MCM5: variants seen among roughly 807,000 people sequenced by gnomAD.
The protein encoded by MCM5 is DNA replication licensing factor MCM5.
In MCM5, 46 loss-of-function variants were observed where a neutral mutation model predicts 79.9. The observed-to-expected ratio is 0.58, with a 90% confidence interval of 0.45 to 0.74. The LOEUF (loss-of-function observed/expected upper bound fraction) is 0.74, where lower values mean the gene tolerates loss of function less well. Among genes scored for constraint, MCM5 ranks in the 30% least tolerant of loss-of-function variants. MCM5 has a pLI of 0.00. For synonymous variants in MCM5, 404 were observed against 390.5 expected, an observed-to-expected ratio of 1.03 and a Z score of -0.41; for missense variants, 883 against 1,017.0, an observed-to-expected ratio of 0.87 and a Z score of 1.79.
At chr22:35,454,192 TCAC>T in the MCM5 span, among the ~76,000 whole-genome samples, 13 of 152,184 alleles carry the variant, frequency 8.5e-5, no homozygotes, top group Admixed American at 8.5e-4. Flanking sequence ...GCCTTCCCCT[TCAC>T]CACCTTCCTG....
chr22:35,432,211 T>C, the MCM5 span, among the ~76,000 whole-genome samples: 2 of 152,204 alleles, frequency 1.3e-5, no homozygotes, highest in African/African-American at 4.8e-5. Flanking sequence ...TGTTTCTTCC[T>C]GCTTGGGGGA....
chr22:35,413,971 G>A lies in MCM5; in HGVS notation c.1188G>A (p.Lys396=), dbSNP rs144151686. The part of the protein sequence containing the change: ...AKSQLLKFVE[K]CSPIGVYTSG... ...CCCAGCTTCTGAAGTTTGTGGAGAA[G>A]TGTTCTCCCATTGGGGTGAGTGGCC... Residue 396 remains lysine, a synonymous_variant, in exon 9 of 17, where the codon AAG becomes AAA. Coordinates refer to ENST00000216122, the MANE Select transcript of MCM5 (RefSeq NM_006739.4). 8.1e-5 allele frequency: 131 copies of A among 1,613,058 alleles called. No individual in the cohort carries two copies. The highest frequency in any genetic ancestry group is 1.0e-4 in the Non-Finnish European group (122 of 1,179,098).
chr22:35,454,418 G>A, the MCM5 span, among the ~76,000 whole-genome samples: 5 of 152,224 alleles, frequency 3.3e-5, no homozygotes, highest in Admixed American at 1.3e-4. Flanking sequence ...TCTTCTTTGG[G>A]CTGCAGCAGG....
At chr22:35,407,020 C>T (rs547382880) in intron 5 of MCM5, among the ~76,000 whole-genome samples, 1 of 152,322 alleles carries the variant, frequency 6.6e-6, no homozygotes, top group African/African-American at 2.4e-5. Context: ...TTGGAATCTT[C>T]TGAAGCAAAC....
intron 6 of MCM5, 138 bp downstream of exon 6, chr22:35,408,701 CTG>C: frequency 5.9e-6 from 5 of 847,756 alleles, no homozygotes; most frequent in Non-Finnish European, 8.9e-6. Flanking sequence ...AGCACCTGCT[CTG>C]TGCCTAATGC....
rs1838784274 is a variant in MCM5 at position 35,421,502 on chromosome 22, C to T, written c.1975+42C>T. 3 of 1,612,912 alleles carry T rather than the reference C, an allele frequency of 1.9e-6. 1 individual carries two copies. Among genetic ancestry groups the T allele is most frequent in the African/African-American group, 2.7e-5 (2 of 74,914 alleles). ...GCCATGGTCTCAATTGATCTGGGTTCCCTGGCTCGGAGCTCTGTGGGCAGG... is the reference window on the plus strand; with the variant it reads ...GCCATGGTCTCAATTGATCTGGGTTTCCTGGCTCGGAGCTCTGTGGGCAGG... On this transcript the variant is annotated intron_variant, in intron 15 of 16. Transcript: ENST00000216122.
At chr22:35,437,544 T>A in the MCM5 span, among the ~76,000 whole-genome samples, 1 of 152,202 alleles carries the variant, frequency 6.6e-6, no homozygotes, top group South Asian at 2.1e-4. Flanking sequence ...CAGTTCTGCT[T>A]TGTGAATTTC....
At chr22:35,432,967 C>CA in the MCM5 span, among the ~76,000 whole-genome samples, 1 of 152,088 alleles carries the variant, frequency 6.6e-6, no homozygotes, top group African/African-American at 2.4e-5. Context: ...CAGGGTCTCA[C>CA]AATGTTGCTC....
chr22:35,408,399 C>G lies in MCM5; in HGVS notation c.597-9C>G. 1.2e-6 allele frequency: 2 copies of G among 1,612,894 alleles called. No individual in the cohort carries two copies. The highest frequency in any genetic ancestry group is 1.1e-5 in the South Asian group (1 of 90,986). On this transcript the variant is annotated splice_polypyrimidine_tract_variant and intron_variant, in intron 5 of 16. Transcript: ENST00000216122. Reference sequence around the variant, plus strand: ...AGCTTTGGTGACTCTTTTCCCTTACCTTGTACAGAGATCAGGCTGGGCGCC... The same window carrying G: ...AGCTTTGGTGACTCTTTTCCCTTACGTTGTACAGAGATCAGGCTGGGCGCC...
At chr22:35,405,326 A>G (rs933031641) in intron 4 of MCM5, among the ~76,000 whole-genome samples, 2 of 151,638 alleles carry the variant, frequency 1.3e-5, no homozygotes, top group Non-Finnish European at 2.9e-5. Flanking sequence ...CATACATCAT[A>G]TAATTTGATC....
chr22:35,401,676 T>G lies in MCM5; in HGVS notation c.167+1071T>G, dbSNP rs1288369982. On this transcript the variant is annotated intron_variant, in intron 2 of 16. Coordinates refer to ENST00000216122, the MANE Select transcript of MCM5 (RefSeq NM_006739.4). ...CACTTACTCATGCAGCAGCTGATAT[T>G]GCCCACCTGTGTGCCAGGCACTGCG... The G allele has an allele frequency of 2.3e-5, 11 of 471,080 alleles. No individual in the cohort carries two copies. The Admixed American group carries it at 2.3e-4, about 10-fold the overall frequency. 29.2% of individuals were successfully genotyped at this position (471,080 alleles called of 1,614,324 possible). A position where few individuals can be genotyped will look rare whatever the true frequency, so the allele number is the denominator to read the frequency against.
At chr22:35,451,729 G>A in the MCM5 span, among the ~76,000 whole-genome samples, 12 of 152,346 alleles carry the variant, frequency 7.9e-5, no homozygotes, top group East Asian at 1.9e-3. Context: ...TGATGTCAGC[G>A]GCTCTGGCGC....
rs146766693 is a variant in MCM5, at chr22:35,403,512, C to G, written c.393C>G (p.Asp131Glu). The G allele has an allele frequency of 3.7e-6, 6 of 1,614,082 alleles. No homozygotes were observed. Among genetic ancestry groups the G allele is most frequent in the Middle Eastern group, 3.3e-4 (2 of 6,060 alleles). ...ACATCCAGGTCATGCTCAAGTCGGA[C>G]GCCAGCCCTTCCAGCATTCGTAGCC... ...LQDIQVMLKS[D>E]ASPSSIRSLK... Residue 131 changes from aspartate to glutamate, a missense_variant, in exon 4 of 17, where the codon GAC becomes GAG. Transcript: ENST00000216122.
the MCM5 span, among the ~76,000 whole-genome samples, chr22:35,449,560 T>TTGTCCCAACCGTGGCCTCTC: frequency 6.8e-5 from 9 of 132,768 alleles, no homozygotes; most frequent in African/African-American, 2.1e-4. Context: ...CGTGGCCTCT[T>TTGTCCCAACCGTGGCCTCTC]TGTCCCAGCT....
the MCM5 span, among the ~76,000 whole-genome samples, chr22:35,436,581 C>A: frequency 2.6e-5 from 4 of 152,218 alleles, no homozygotes; most frequent in Non-Finnish European, 5.9e-5. Flanking sequence ...GGGCTTCTGG[C>A]CTTTTTCCAT....
At chr22:35,442,621 A>G in the MCM5 span, among the ~76,000 whole-genome samples, 1 of 152,044 alleles carries the variant, frequency 6.6e-6, no homozygotes, top group East Asian at 1.9e-4. Context: ...GCACCCTCCG[A>G]TTCCCTCCCA....
At chr22:35,445,121 TC>T in the MCM5 span, among the ~76,000 whole-genome samples, 1 of 152,116 alleles carries the variant, frequency 6.6e-6, no homozygotes, top group Non-Finnish European at 1.5e-5. Flanking sequence ...CTGGGGTTGC[TC>T]CCCAGCTCTG....
chr22:35,417,597 C>G, intron 12 of MCM5, 147 bp from the exon 13 acceptor site: 2 of 654,462 alleles, frequency 3.1e-6, no homozygotes, highest in Non-Finnish European at 2.8e-6. Flanking sequence ...GCTGAGCAAA[C>G]AGGCTGAGCA....
At chr22:35,400,634 A>AGTTC (rs1459490716) in intron 2 of MCM5, 29 bp downstream of exon 2, 1 of 1,561,446 alleles carries the variant, frequency 6.4e-7, no homozygotes, top group Admixed American at 1.8e-5. Context: ...CGGGGGCTCG[A>AGTTC]GTTCCAGTGT....
Sources: gnomAD v4.1 joint callset for allele counts (sites outside exome capture counted in the v4.1 genomes callset) on GRCh38, gnomAD v4.1.1 for gene constraint, MANE v1.5 for transcripts, NCBI Gene and HGNC (gene_info 2026-07-23, HGNC 2026-07-21) for gene names.